The following CSMD1 variants were observed in gnomAD, a reference collection of about 807,000 sequenced individuals.
The protein encoded by CSMD1 is CUB and Sushi multiple domains 1.
CSMD1 carries 213 observed loss-of-function variants against 417.5 expected under a neutral mutation model. The observed-to-expected ratio is 0.51, with a 90% CI of 0.46 to 0.57. The LOEUF (loss-of-function observed/expected upper bound fraction) is 0.57. CSMD1 is among the 20% of genes least tolerant of loss of function. The pLI is 0.00. For missense variants in CSMD1, 6,923 were observed against 4,529.7 expected, an observed-to-expected ratio of 1.53 and a Z score of -15.17; for synonymous variants, 2,862 against 1,736.8, an observed-to-expected ratio of 1.65 and a Z score of -16.11.
intron 2 of CSMD1, among the ~76,000 whole-genome samples, chr8:4,591,390 T>C (rs988415736): frequency 1.3e-5 from 2 of 152,210 alleles, no homozygotes; most frequent in South Asian, 2.1e-4. Context: ...AATACAACTA[T>C]TCCAGGTGGA....
At chr8:3,952,829 CAGA>C (rs1811679858) in intron 5 of CSMD1, among the ~76,000 whole-genome samples, 1 of 152,026 alleles carries the variant, frequency 6.6e-6, no homozygotes, top group Non-Finnish European at 1.5e-5. Flanking sequence ...GAAATAAAAG[CAGA>C]AAGTTATTTT....
intron 41 of CSMD1, among the ~76,000 whole-genome samples, chr8:3,121,804 A>C (rs1292941076): frequency 6.6e-6 from 1 of 152,142 alleles, no homozygotes; most frequent in Non-Finnish European, 1.5e-5. Context: ...GTCTCATAAA[A>C]AGCAAGCAGA....
chr8:4,680,527 T>C (rs1277649866), intron 1 of CSMD1, among the ~76,000 whole-genome samples: 2 of 152,066 alleles, frequency 1.3e-5, no homozygotes, highest in African/African-American at 2.4e-5. Flanking sequence ...GAAATGGAAA[T>C]TGGAACTGCT....
intron 12 of CSMD1, among the ~76,000 whole-genome samples, chr8:3,459,420 C>T (rs998168520): frequency 1.3e-5 from 2 of 152,122 alleles, no homozygotes; most frequent in Non-Finnish European, 2.9e-5. Flanking sequence ...AGCACCAGTG[C>T]CACAGGAATA....
chr8:4,726,603 T>A (rs1162358082), intron 1 of CSMD1, among the ~76,000 whole-genome samples: 1 of 152,168 alleles, frequency 6.6e-6, no homozygotes, highest in African/African-American at 2.4e-5. Flanking sequence ...TCCCATCAGC[T>A]TCTGCAAAAG....
intron 25 of CSMD1, among the ~76,000 whole-genome samples, chr8:3,306,990 C>G (rs781383963): frequency 8.6e-5 from 13 of 151,576 alleles, no homozygotes; most frequent in African/African-American, 3.2e-4. Flanking sequence ...ATATGTGTTA[C>G]TTTAGAGTAC....
rs139962642 is a variant in CSMD1 at position 3,529,607 on chromosome 8, C to T, written c.1345-35881G>A. Among the ~76,000 whole-genome samples the T allele has an allele frequency of 5.5e-3, 844 of 152,272 alleles. 5 individuals are homozygous for T. The highest frequency in any genetic ancestry group is 0.015 in the African/African-American group (623 of 41,564). Reference sequence around the variant, plus strand: ...CAGGAATGCGATGCACATCTTCTGACGCCTAGTTCGTGATTTGTCAAAAGT... The same window carrying T: ...CAGGAATGCGATGCACATCTTCTGATGCCTAGTTCGTGATTTGTCAAAAGT... On this transcript the variant is annotated intron_variant, in intron 10 of 69. Coordinates refer to ENST00000635120, the MANE Select transcript of CSMD1 (RefSeq NM_033225.6).
intron 5 of CSMD1, among the ~76,000 whole-genome samples, chr8:3,944,472 A>G (rs995287117): frequency 2.6e-5 from 4 of 152,026 alleles, no homozygotes; most frequent in African/African-American, 9.7e-5. Flanking sequence ...TTTTCCCTGA[A>G]AGTTTTGATG....
intron 2 of CSMD1, among the ~76,000 whole-genome samples, chr8:4,551,523 C>G (rs1017161062): frequency 6.6e-6 from 1 of 152,140 alleles, no homozygotes; most frequent in Non-Finnish European, 1.5e-5. Flanking sequence ...GCTACCTGCC[C>G]AACCATCCCT....
intron 12 of CSMD1, among the ~76,000 whole-genome samples, chr8:3,412,950 C>G (rs183681564): frequency 1.2e-4 from 18 of 152,278 alleles, no homozygotes; most frequent in African/African-American, 4.1e-4. Context: ...GCCCAGGGTC[C>G]TGGCATAGCA....
chr8:4,654,359 A>G (rs1804094137), intron 1 of CSMD1, among the ~76,000 whole-genome samples: 1 of 152,136 alleles, frequency 6.6e-6, no homozygotes, highest in Admixed American at 6.5e-5. Context: ...CAGCAGTATA[A>G]TTCCCCTGCT....
At chr8:4,775,849 T>C (rs1479668237) in intron 1 of CSMD1, among the ~76,000 whole-genome samples, 3 of 152,116 alleles carry the variant, frequency 2.0e-5, no homozygotes, top group African/African-American at 7.2e-5. Context: ...TGTTAAGAAA[T>C]ATTTCTTCAA....
chr8:3,595,174 G>T (rs1353153677), intron 8 of CSMD1, among the ~76,000 whole-genome samples: 10 of 152,180 alleles, frequency 6.6e-5, no homozygotes, highest in Non-Finnish European at 1.5e-5. Flanking sequence ...GCTGAGGGAT[G>T]CCCCTTAGGG....
At chr8:3,054,096 C>T (rs1053049586) in intron 49 of CSMD1, among the ~76,000 whole-genome samples, 8 of 152,290 alleles carry the variant, frequency 5.3e-5, no homozygotes, top group African/African-American at 7.2e-5. Context: ...GACTCCCAAA[C>T]GAGACTATTC....
At chr8:3,258,859 C>A (rs1022550461) in intron 26 of CSMD1, among the ~76,000 whole-genome samples, 8 of 152,160 alleles carry the variant, frequency 5.3e-5, no homozygotes, top group Non-Finnish European at 1.2e-4. Context: ...CCAAATACTG[C>A]ATGTTTTCAT....
intron 5 of CSMD1, among the ~76,000 whole-genome samples, chr8:3,952,300 T>G (rs149340815): frequency 2.4e-3 from 369 of 152,300 alleles, no homozygotes; most frequent in African/African-American, 8.5e-3. Flanking sequence ...ACGCGAAAGG[T>G]GTCGTGGCTA....
At chr8:4,599,225 A>G (rs1331482755) in intron 2 of CSMD1, among the ~76,000 whole-genome samples, 1 of 152,196 alleles carries the variant, frequency 6.6e-6, no homozygotes, top group Admixed American at 6.6e-5. Context: ...TTCAGATAGG[A>G]CAAAATGAGA....
At chr8:4,113,246 A>G (rs1801953450) in intron 3 of CSMD1, among the ~76,000 whole-genome samples, 1 of 152,168 alleles carries the variant, frequency 6.6e-6, no homozygotes, top group South Asian at 2.1e-4. Flanking sequence ...CAATTGAAAG[A>G]AAGGACTGCA....
chr8:4,540,133 G>C (rs978683212), intron 2 of CSMD1, among the ~76,000 whole-genome samples: 3 of 152,194 alleles, frequency 2.0e-5, no homozygotes, highest in African/African-American at 7.2e-5. Flanking sequence ...AACACCGAAA[G>C]TGGTTGGCGT....
Sources: gnomAD v4.1 joint callset for allele counts (sites outside exome capture counted in the v4.1 genomes callset) on GRCh38, gnomAD v4.1.1 for gene constraint, MANE v1.5 for transcripts, NCBI Gene and HGNC (gene_info 2026-07-23, HGNC 2026-07-21) for gene names.